The following SPTSSA variants were observed in gnomAD, a reference collection of about 807,000 sequenced individuals.
SPTSSA encodes small subunit of serine palmitoyltransferase A.
A neutral mutation model predicts 9.1 loss-of-function variants in SPTSSA; 8 were observed. The ratio of observed to expected loss-of-function variants is 0.88; its 90% CI spans 0.51 to 1.58. The LOEUF is 1.58. Ranked by LOEUF, SPTSSA falls within the 40% of genes most tolerant of loss-of-function variation. The pLI is 0.00. For synonymous variants in SPTSSA, 42 were observed against 37.7 expected (o/e 1.11, Z -0.41); for missense variants, 100 against 93.8 (o/e 1.07, Z -0.27).
chr14:34,446,391 G>T (rs973619474), intron 1 of SPTSSA, among the ~76,000 whole-genome samples: 1 of 152,014 alleles, frequency 6.6e-6, no homozygotes, highest in African/African-American at 2.4e-5. Context: ...TTTTTTTCTT[G>T]CCTACATCTC....
chr14:34,462,070 C>G, intron 1 of SPTSSA, 26 bp downstream of exon 1: 1 of 1,359,344 alleles, frequency 7.4e-7, no homozygotes, highest in Non-Finnish European at 9.6e-7. Flanking sequence ...AGCCCGGCCC[C>G]CGCGCGCGCG....
chr14:34,451,551 G>A (rs182748749), intron 1 of SPTSSA, among the ~76,000 whole-genome samples: 164 of 151,846 alleles, frequency 1.1e-3, no homozygotes, highest in African/African-American at 3.0e-3. Flanking sequence ...GTGAAACCCC[G>A]TCTCTACTAA....
Position 34,435,268 on chromosome 14 carries a change from T to C in SPTSSA, c.149A>G (p.Tyr50Cys), listed in dbSNP as rs1196795609. The part of the protein sequence containing the change: ...MLVSIVGMAL[Y>C]TGYVFMPQHI... ...CTGGGGCATGAAGACGTATCCTGTG[T>C]ATAGTGCCATCCCCACAATGGAAAC... Residue 50 changes from tyrosine to cysteine, a missense_variant, in exon 2 of 2, where the codon TAC becomes TGC. Transcript: ENST00000298130. The C allele has an allele frequency of 1.2e-6, 2 of 1,613,584 alleles. No individual in the cohort carries two copies. Among genetic ancestry groups the C allele is most frequent in the Non-Finnish European group, 1.7e-6 (2 of 1,179,630 alleles).
chr14:34,461,373 C>T (rs772532482), intron 1 of SPTSSA, among the ~76,000 whole-genome samples: 2 of 152,172 alleles, frequency 1.3e-5, no homozygotes, highest in Admixed American at 1.3e-4. Flanking sequence ...TGCACAAATG[C>T]TTTGCTTATA....
At chr14:34,458,904 C>CTTTTTTTT (rs759940424) in intron 1 of SPTSSA, among the ~76,000 whole-genome samples, 1 of 124,044 alleles carries the variant, frequency 8.1e-6, no homozygotes, top group Non-Finnish European at 1.6e-5. Context: ...GAAATTACAA[C>CTTTTTTTT]TTTTTTTTTT....
intron 1 of SPTSSA, among the ~76,000 whole-genome samples, chr14:34,454,576 A>G (rs914597567): frequency 2.6e-5 from 4 of 152,248 alleles, no homozygotes; most frequent in African/African-American, 9.6e-5. Flanking sequence ...AGGCTAGAGC[A>G]GTTTTCTTCA....
At chr14:34,441,638 T>G (rs1049538383) in intron 1 of SPTSSA, among the ~76,000 whole-genome samples, 4 of 152,042 alleles carry the variant, frequency 2.6e-5, no homozygotes, top group Admixed American at 6.6e-5. Context: ...CTCCTTTTCT[T>G]TTCTGCTCCA....
intron 1 of SPTSSA, among the ~76,000 whole-genome samples, chr14:34,443,547 G>GTT (rs1883367316): frequency 1.1e-5 from 1 of 93,160 alleles, no homozygotes; most frequent in African/African-American, 4.7e-5. Flanking sequence ...GTGTGTGTGT[G>GTT]TGTTTTGAGA....
intron 1 of SPTSSA, among the ~76,000 whole-genome samples, chr14:34,448,510 G>T (rs1308942936): frequency 2.0e-5 from 3 of 152,034 alleles, no homozygotes; most frequent in African/African-American, 7.2e-5. Flanking sequence ...CTCTCCAGAG[G>T]GTGTAGGCCA....
At chr14:34,439,023 C>T (rs1883281251) in intron 1 of SPTSSA, among the ~76,000 whole-genome samples, 1 of 152,084 alleles carries the variant, frequency 6.6e-6, no homozygotes, top group Admixed American at 6.5e-5. Flanking sequence ...CTTGTGCAAG[C>T]TATTTATTGA....
chr14:34,461,775 G>C (rs1878621470), intron 1 of SPTSSA, among the ~76,000 whole-genome samples: 1 of 152,230 alleles, frequency 6.6e-6, no homozygotes, highest in African/African-American at 2.4e-5. Flanking sequence ...ACCAAAGGCA[G>C]TTGCGGCCGA....
chr14:34,452,130 T>C (rs550835464), intron 1 of SPTSSA, among the ~76,000 whole-genome samples: 15 of 151,264 alleles, frequency 9.9e-5, no homozygotes, highest in Non-Finnish European at 2.2e-4. Flanking sequence ...ACACCTGTAT[T>C]CCCAGCTACT....
intron 1 of SPTSSA, among the ~76,000 whole-genome samples, chr14:34,457,222 G>C (rs28635949): frequency 0.27 from 41,484 of 151,674 alleles, 6,993 homozygotes; most frequent in African/African-American, 0.48. Context: ...AGGTGATCCA[G>C]CCACCTCAGC....
intron 1 of SPTSSA, among the ~76,000 whole-genome samples, chr14:34,444,340 C>A (rs1883382948): frequency 6.6e-6 from 1 of 152,182 alleles, no homozygotes; most frequent in Non-Finnish European, 1.5e-5. Flanking sequence ...GTTTAACTTG[C>A]CTGCCTTCCA....
chr14:34,449,907 A>G (rs1883490726), intron 1 of SPTSSA, among the ~76,000 whole-genome samples: 1 of 152,214 alleles, frequency 6.6e-6, no homozygotes, highest in Admixed American at 6.5e-5. Context: ...AGATTTCTCA[A>G]TCCATCTCAT....
intron 1 of SPTSSA, among the ~76,000 whole-genome samples, chr14:34,440,327 T>C (rs1189783037): frequency 6.6e-6 from 1 of 152,224 alleles, no homozygotes; most frequent in East Asian, 1.9e-4. Context: ...AATATTGGAC[T>C]TAAGAACAAA....
intron 1 of SPTSSA, among the ~76,000 whole-genome samples, chr14:34,443,708 G>A (rs1883372323): frequency 6.6e-6 from 1 of 152,002 alleles, no homozygotes; most frequent in African/African-American, 2.4e-5. Flanking sequence ...GGTAATTTTT[G>A]TATTTTTAGT....
chr14:34,461,198 CTCAT>C lies in SPTSSA; in HGVS notation c.112+894_112+897del, dbSNP rs1383414768. Among the ~76,000 whole-genome samples the C allele has an allele frequency of 5.4e-4, 82 of 152,160 alleles. 1 individual carries two copies. The highest frequency in any genetic ancestry group is 2.5e-4 in the Non-Finnish European group (17 of 68,034). On this transcript the variant is annotated intron_variant, in intron 1 of 1. Transcript: ENST00000298130. ...GGCCTGAGTTTTTTAAAAGTTACAT[CTCAT>C]TCATTATCAGTATTTAATCTGCAAG...
intron 1 of SPTSSA, among the ~76,000 whole-genome samples, chr14:34,461,001 A>G (rs1311111147): frequency 6.6e-6 from 1 of 152,188 alleles, no homozygotes; most frequent in Non-Finnish European, 1.5e-5. Context: ...GCTATCTCAA[A>G]ACAAATAAAC....
Sources: gnomAD v4.1 joint callset for allele counts (sites outside exome capture counted in the v4.1 genomes callset) on GRCh38, gnomAD v4.1.1 for gene constraint, MANE v1.5 for transcripts, NCBI Gene and HGNC (gene_info 2026-07-23, HGNC 2026-07-21) for gene names.